CPLX2: variants seen among roughly 807,000 people sequenced by gnomAD.
CPLX2 encodes complexin-2.
In CPLX2, 5 loss-of-function variants were observed where a neutral mutation model predicts 16.3. The ratio of observed to expected loss-of-function variants is 0.31; its 90% CI spans 0.16 to 0.64. CPLX2 has a LOEUF of 0.64. CPLX2 is among the 30% of genes least tolerant of loss of function. The pLI, the probability that CPLX2 is intolerant of heterozygous loss-of-function variation, is 0.79. For synonymous variants in CPLX2, 89 were observed against 73.2 expected (o/e 1.22, Z -1.10); for missense variants, 144 against 181.4 (o/e 0.79, Z 1.18).
At chr5:175,844,376 T>C (rs1759003369) in intron 2 of CPLX2, among the ~76,000 whole-genome samples, 1 of 152,224 alleles carries the variant, frequency 6.6e-6, no homozygotes, top group African/African-American at 2.4e-5. Context: ...AACAAACCTT[T>C]ACTGAGCTGC....
upstream of CPLX2, among the ~76,000 whole-genome samples, chr5:175,867,395 T>C (rs1387052809): frequency 6.6e-6 from 1 of 152,020 alleles, no homozygotes; most frequent in Non-Finnish European, 1.5e-5. Flanking sequence ...TAACACCCTA[T>C]CACCTGGGGC....
chr5:175,857,866 C>T lies in CPLX2; in HGVS notation c.-88-20786C>T, dbSNP rs139096993. ...TCAGAGACATGCCTGGCCCAGAGCA[C>T]GTGCTCAGGGAGCAGTGTTAAGTGA... On this transcript the variant is annotated intron_variant, in intron 2 of 4. Coordinates refer to the CPLX2 transcript ENST00000359546. Among the ~76,000 whole-genome samples the T allele has an allele frequency of 6.5e-4, 99 of 152,338 alleles. No individual in the cohort carries two copies. The South Asian group carries it at 8.7e-3, about 13-fold the overall frequency.
At chr5:175,824,389 G>A (rs1021275562) in intron 2 of CPLX2, among the ~76,000 whole-genome samples, 1 of 152,180 alleles carries the variant, frequency 6.6e-6, no homozygotes, top group South Asian at 2.1e-4. Context: ...GCCAGAAAGT[G>A]CCCTCCCTTC....
At chr5:175,826,467 G>A (rs764642448) in intron 2 of CPLX2, among the ~76,000 whole-genome samples, 2 of 152,196 alleles carry the variant, frequency 1.3e-5, no homozygotes, top group Non-Finnish European at 2.9e-5. Flanking sequence ...GGTGGGGCTA[G>A]TGTTTAAGAA....
At chr5:175,847,490 G>A (rs1369961626) in intron 2 of CPLX2, among the ~76,000 whole-genome samples, 1 of 152,214 alleles carries the variant, frequency 6.6e-6, no homozygotes, top group Non-Finnish European at 1.5e-5. Flanking sequence ...ACTCAGAGCC[G>A]CCGCTAAAGC....
rs990952570 is a variant in CPLX2, at chr5:175,836,164, C to G, written c.-89+27096C>G. On this transcript the variant is annotated intron_variant, in intron 2 of 4. Coordinates refer to the CPLX2 transcript ENST00000359546. ...AGGAGATCGAAACCATCCTGGCTAA[C>G]ACGGTGAAACCCCGTCTCTACTAAA... Among the ~76,000 whole-genome samples, 75 of 152,070 alleles carry G rather than the reference C, an allele frequency of 4.9e-4. 1 individual carries two copies. Among genetic ancestry groups the G allele is most frequent in the Admixed American group, 4.1e-3 (62 of 15,274 alleles).
chr5:175,831,778 G>A (rs1216201928), intron 2 of CPLX2, among the ~76,000 whole-genome samples: 4 of 152,364 alleles, frequency 2.6e-5, no homozygotes, highest in Non-Finnish European at 5.9e-5. Flanking sequence ...GAGGCATGCA[G>A]AGAATTCCAA....
rs76377977 is a variant in CPLX2, at chr5:175,861,337, G to A, written c.-88-17315G>A. 5.1e-3 allele frequency among the ~76,000 whole-genome samples: 778 copies of A among 152,272 alleles called. 4 individuals are homozygous for A. The highest frequency in any genetic ancestry group is 0.018 in the African/African-American group (739 of 41,538). ...CAACCAAACATAGGGTAAAAAGGGC[G>A]CCCCAGAGGTGTGGAGGGCTCTGCA... On this transcript the variant is annotated intron_variant, in intron 2 of 4. Coordinates refer to the CPLX2 transcript ENST00000359546.
chr5:175,849,460 G>A lies in CPLX2; in HGVS notation c.-88-29192G>A, dbSNP rs1759110683. Among the ~76,000 whole-genome samples, 1 of 152,170 alleles carries A rather than the reference G, an allele frequency of 6.6e-6. No homozygotes were observed. The highest frequency in any genetic ancestry group is 2.4e-5 in the African/African-American group (1 of 41,446). On this transcript the variant is annotated intron_variant, in intron 2 of 4. Coordinates refer to the CPLX2 transcript ENST00000359546. This position sits in a 1 kb window ranked among gnomAD's most constrained non-coding sequence, Gnocchi z 4.4. ...TACACAGGACCTCATGCATGCAGCC[G>A]AACCCCACACTGGATGTTAGAGGCA...
At chr5:175,804,531 T>A (rs140216334) in intron 1 of CPLX2, among the ~76,000 whole-genome samples, 4 of 152,172 alleles carry the variant, frequency 2.6e-5, no homozygotes, top group Non-Finnish European at 5.9e-5. Flanking sequence ...CCAGAACTAA[T>A]AAAACTTAGT....
chr5:175,859,943 G>A (rs537602884), intron 2 of CPLX2, among the ~76,000 whole-genome samples: 8 of 152,334 alleles, frequency 5.3e-5, no homozygotes, highest in East Asian at 1.9e-4. Flanking sequence ...CCAGGTGGCC[G>A]AGACAGAAAC....
chr5:175,867,931 G>A (rs1759509299), upstream of CPLX2, among the ~76,000 whole-genome samples: 3 of 152,332 alleles, frequency 2.0e-5, no homozygotes, highest in South Asian at 6.2e-4. Context: ...AAGAGGGAAG[G>A]CACTCATCAG....
At chr5:175,847,508 T>C (rs1189910244) in intron 2 of CPLX2, among the ~76,000 whole-genome samples, 1 of 152,130 alleles carries the variant, frequency 6.6e-6, no homozygotes, top group African/African-American at 2.4e-5. Context: ...AGCTAGGATT[T>C]GAAGCTGGGT....
intron 2 of CPLX2, among the ~76,000 whole-genome samples, chr5:175,843,641 C>G (rs937790086): frequency 6.6e-6 from 1 of 152,212 alleles, no homozygotes; most frequent in African/African-American, 2.4e-5. Context: ...AGCCTTGGGT[C>G]GGGGAGGCCA....
intron 2 of CPLX2, among the ~76,000 whole-genome samples, chr5:175,833,374 C>T (rs1758767170): frequency 6.6e-6 from 1 of 152,088 alleles, no homozygotes; most frequent in South Asian, 2.1e-4. Context: ...CCCCAGAGAA[C>T]TCGTGGTGAA....
intron 2 of CPLX2, among the ~76,000 whole-genome samples, chr5:175,853,469 T>C (rs971494780): frequency 8.5e-5 from 13 of 152,160 alleles, no homozygotes; most frequent in African/African-American, 3.1e-4. Flanking sequence ...TCCCACCCTG[T>C]CACCTGCTGA....
chr5:175,825,518 T>C (rs565251526), intron 2 of CPLX2, among the ~76,000 whole-genome samples: 17 of 152,140 alleles, frequency 1.1e-4, no homozygotes, highest in Non-Finnish European at 2.4e-4. Context: ...GAGTGTGAGA[T>C]CTGATTGCTT....
At chr5:175,801,743 A>G (rs1408554988) in intron 1 of CPLX2, among the ~76,000 whole-genome samples, 1 of 152,252 alleles carries the variant, frequency 6.6e-6, no homozygotes, top group Non-Finnish European at 1.5e-5. Flanking sequence ...TATGAGTACG[A>G]GTATTCTAAA....
At chr5:175,839,291 T>A (rs1273606200) in intron 2 of CPLX2, among the ~76,000 whole-genome samples, 1 of 152,098 alleles carries the variant, frequency 6.6e-6, no homozygotes, top group East Asian at 1.9e-4. Flanking sequence ...TTTGTTTGTT[T>A]GTTTGTTTTT....
Sources: gnomAD v4.1 joint callset for allele counts (sites outside exome capture counted in the v4.1 genomes callset) on GRCh38, gnomAD v4.1.1 for gene constraint, Gnocchi (gnomAD v3.1) non-coding constraint, MANE v1.5 for transcripts, NCBI Gene and HGNC (gene_info 2026-07-23, HGNC 2026-07-21) for gene names.